The following CCDC102B variants were observed in gnomAD, a reference collection of about 807,000 sequenced individuals.
CCDC102B encodes the protein coiled-coil domain containing 102B, also known as coiled-coil domain-containing protein 102B.
In CCDC102B, 75 loss-of-function variants were observed where a neutral mutation model predicts 57.4. The observed-to-expected ratio is 1.31, with a 90% CI of 1.08 to 1.58. The LOEUF is 1.58. Among genes scored for constraint, CCDC102B ranks in the 40% most tolerant of loss-of-function variants. CCDC102B has a pLI of 0.00. For synonymous variants in CCDC102B, 206 were observed against 201.9 expected (o/e 1.02, Z -0.17); for missense variants, 636 against 582.6 (o/e 1.09, Z -0.94).
intron 6 of CCDC102B, among the ~76,000 whole-genome samples, chr18:68,982,412 A>G (rs2050612839): frequency 6.6e-6 from 1 of 151,944 alleles, no homozygotes; most frequent in South Asian, 2.1e-4. Context: ...AATTTAATTA[A>G]TTTGATTTGT....
At chr18:68,796,151 A>G (rs1295906525), upstream of CCDC102B, among the ~76,000 whole-genome samples, 1 of 152,206 alleles carries the variant, frequency 6.6e-6, no homozygotes, top group African/African-American at 2.4e-5. Context: ...GAGAAGAAAG[A>G]CAATTTAAGA....
At chr18:68,734,954 T>G (rs1304902795) in intron 2 of CCDC102B, among the ~76,000 whole-genome samples, 1 of 152,252 alleles carries the variant, frequency 6.6e-6, no homozygotes, top group Non-Finnish European at 1.5e-5. Flanking sequence ...ATTTTAGTAG[T>G]ATTTCCTTCA....
At position 68,841,090 on chromosome 18, in the gene CCDC102B, C is replaced by CT. The variant is rs1456363477; in HGVS notation, c.827+2171dup. On this transcript the variant is annotated intron_variant, in intron 3 of 7. Coordinates refer to ENST00000360242, the MANE Select transcript of CCDC102B (RefSeq NM_024781.3). ...ATGCAATCCGCATGAGGCAATCAGT[C>CT]TTTTTTTCTATCACAAGAGAACATT... Among the ~76,000 whole-genome samples, 3 of 152,250 alleles carry CT rather than the reference C, an allele frequency of 2.0e-5. No individual in the cohort carries two copies. The East Asian group carries it at 5.8e-4, about 29-fold the overall frequency.
At chr18:69,006,392 GATTT>G (rs71931343) in intron 6 of CCDC102B, among the ~76,000 whole-genome samples, 82,633 of 141,210 alleles carry the variant, frequency 0.59, 24,520 homozygotes, top group South Asian at 0.67. Flanking sequence ...ATAGCTTTGA[GATTT>G]ATTTATTTAT....
chr18:68,966,699 A>C (rs555888346), intron 6 of CCDC102B, among the ~76,000 whole-genome samples: 4 of 152,188 alleles, frequency 2.6e-5, no homozygotes, highest in African/African-American at 9.6e-5. Context: ...AGGAAGTAGA[A>C]TATCCCCCAA....
intron 7 of CCDC102B, among the ~76,000 whole-genome samples, chr18:69,026,311 C>G (rs2051988505): frequency 6.6e-6 from 1 of 151,820 alleles, no homozygotes; most frequent in African/African-American, 2.4e-5. Flanking sequence ...ACTAAAAATA[C>G]AAAAATTAGC....
chr18:68,911,599 A>AC (rs2040858259), intron 6 of CCDC102B, among the ~76,000 whole-genome samples: 1 of 148,720 alleles, frequency 6.7e-6, no homozygotes, highest in Non-Finnish European at 1.5e-5. Context: ...AAAAATACAA[A>AC]AAATTAGCCG....
At chr18:68,768,395 T>G (rs1028418490) in intron 2 of CCDC102B, among the ~76,000 whole-genome samples, 8 of 152,228 alleles carry the variant, frequency 5.3e-5, no homozygotes, top group Non-Finnish European at 1.2e-4. Flanking sequence ...TAAATATCAC[T>G]TAGAATAAAC....
intron 6 of CCDC102B, among the ~76,000 whole-genome samples, chr18:68,963,434 AAAAG>A (rs1164392784): frequency 6.6e-6 from 1 of 151,910 alleles, no homozygotes; most frequent in East Asian, 1.9e-4. Context: ...CATAGACAAA[AAAAG>A]GCAAATATAT....
intron 6 of CCDC102B, among the ~76,000 whole-genome samples, chr18:68,989,685 C>G (rs1336305536): frequency 1.3e-5 from 2 of 152,220 alleles, no homozygotes; most frequent in Non-Finnish European, 2.9e-5. Flanking sequence ...CGTTGTCTCT[C>G]TTGCCTGTGA....
intron 1 of CCDC102B, among the ~76,000 whole-genome samples, chr18:68,833,900 A>G (rs2037251054): frequency 6.6e-6 from 1 of 152,192 alleles, no homozygotes; most frequent in South Asian, 2.1e-4. Flanking sequence ...ACCAGAGTCA[A>G]CATCGTTAAA....
At chr18:69,023,235 T>C (rs1329504677) in intron 7 of CCDC102B, among the ~76,000 whole-genome samples, 2 of 152,140 alleles carry the variant, frequency 1.3e-5, no homozygotes, top group Non-Finnish European at 2.9e-5. Context: ...GGACTACACT[T>C]TTCTCATGTG....
At chr18:68,961,647 AT>A (rs1350429706) in intron 6 of CCDC102B, among the ~76,000 whole-genome samples, 2 of 152,174 alleles carry the variant, frequency 1.3e-5, no homozygotes, top group South Asian at 2.1e-4. Context: ...CAAAATTGTT[AT>A]TTGAAATGAA....
intron 7 of CCDC102B, among the ~76,000 whole-genome samples, chr18:69,028,370 G>A (rs1599869495): frequency 6.6e-6 from 1 of 152,194 alleles, no homozygotes; most frequent in East Asian, 1.9e-4. Context: ...GAATGTGGAG[G>A]TAGTTGGGAG....
At chr18:69,050,356 C>G (rs1411769306) in intron 7 of CCDC102B, among the ~76,000 whole-genome samples, 1 of 152,146 alleles carries the variant, frequency 6.6e-6, no homozygotes, top group Non-Finnish European at 1.5e-5. Context: ...TTAAGTGTTG[C>G]TCTTTCTATT....
At chr18:68,751,368 A>C (rs1188401574) in intron 2 of CCDC102B, among the ~76,000 whole-genome samples, 1 of 152,200 alleles carries the variant, frequency 6.6e-6, no homozygotes, top group African/African-American at 2.4e-5. Context: ...TGCCTGAATG[A>C]AGCTTATTTA....
chr18:69,052,770 A>G (rs1239115013), intron 7 of CCDC102B, among the ~76,000 whole-genome samples: 1 of 151,768 alleles, frequency 6.6e-6, no homozygotes, highest in Non-Finnish European at 1.5e-5. Context: ...GAATCAACCA[A>G]TCAACCACTA....
chr18:68,987,119 C>A (rs187017771), intron 6 of CCDC102B, among the ~76,000 whole-genome samples: 260 of 152,148 alleles, frequency 1.7e-3, no homozygotes, highest in Non-Finnish European at 3.0e-3. Context: ...CCAAAGCAAC[C>A]CTAAGTGAAA....
At chr18:68,837,466 G>C (rs2037434873) in intron 2 of CCDC102B, 97 bp downstream of exon 2, 10 of 1,134,950 alleles carry the variant, frequency 8.8e-6, no homozygotes, top group Non-Finnish European at 1.3e-5. Context: ...GATTATACTA[G>C]CCTGCCAGGG....
Sources: allele counts gnomAD v4.1 joint callset (sites outside exome capture counted in the v4.1 genomes callset), GRCh38; gene constraint gnomAD v4.1.1; transcripts MANE v1.5; gene names NCBI Gene and HGNC (gene_info 2026-07-23, HGNC 2026-07-21).